MICAL1: variants seen among roughly 807,000 people sequenced by gnomAD.
The protein encoded by MICAL1 is microtubule associated monooxygenase, calponin and LIM domain containing 1.
In MICAL1, 95 loss-of-function variants were observed where a neutral mutation model predicts 131.8. The observed-to-expected ratio is 0.72, with a 90% CI of 0.61 to 0.86. The LOEUF is 0.86. MICAL1 is among the 40% of genes least tolerant of loss of function. The pLI is 0.00. For synonymous variants in MICAL1, 546 were observed against 554.2 expected (o/e 0.99, Z 0.21); for missense variants, 1,292 against 1,380.6 (o/e 0.94, Z 1.02).
intron 1 of MICAL1, 142 bp from the exon 2 acceptor site, chr6:109,454,381 T>C: frequency 1.2e-6 from 1 of 857,850 alleles, no homozygotes; most frequent in Non-Finnish European, 1.7e-6. Flanking sequence ...CCCATTCCCC[T>C]GCCAGCATCT....
At chr6:109,448,561 C>T (rs1460074414) in intron 12 of MICAL1, 168 bp from the exon 13 acceptor site, 4 of 1,273,950 alleles carry the variant, frequency 3.1e-6, no homozygotes, top group Middle Eastern at 3.9e-4. Context: ...TGACACTACT[C>T]CTGGCTTTGG....
In MICAL1 at chr6:109,452,627, G is replaced by A; in HGVS notation, c.572-12C>T. ...ACGCCAGCCACTCCCTAGGGCAGGG[G>A]GTATGAGAGGCACAAAGGTGTAGAA... On this transcript the variant is annotated splice_polypyrimidine_tract_variant and intron_variant, in intron 4 of 24. Coordinates refer to ENST00000358807, the MANE Select transcript of MICAL1 (RefSeq NM_022765.4). The A allele has an allele frequency of 1.2e-6, 2 of 1,606,270 alleles. No homozygotes were observed. Among genetic ancestry groups the A allele is most frequent in the Non-Finnish European group, 1.7e-6 (2 of 1,175,280 alleles).
chr6:109,456,081 G>C, upstream of MICAL1: 3 of 953,256 alleles, frequency 3.1e-6, no homozygotes, highest in Non-Finnish European at 3.7e-6. Context: ...CCTGTTGGGG[G>C]CTGAGGAGCT....
rs1775192914 is a variant in MICAL1, at chr6:109,445,863, C to T, written c.2582-1G>A. The T allele has an allele frequency of 4.4e-6, 7 of 1,599,098 alleles. No homozygotes were observed. The South Asian group carries it at 4.5e-5, about 10-fold the overall frequency. On this transcript the variant is annotated splice_acceptor_variant, in intron 19 of 24. Coordinates refer to ENST00000358807, the MANE Select transcript of MICAL1 (RefSeq NM_022765.4). LOFTEE classifies it high-confidence loss of function. The stretch of plus-strand genomic sequence containing the variant: ...TCCTCCTTCTCCATGGCCACAAGAG[C>T]TGAGAAGAAGAACTGAGACGTTCTA...
At chr6:109,459,648 C>G (rs1372835620), upstream of MICAL1, among the ~76,000 whole-genome samples, 2 of 152,146 alleles carry the variant, frequency 1.3e-5, no homozygotes, top group African/African-American at 4.8e-5. Flanking sequence ...TTCATAGATT[C>G]TGAGATAACA....
chr6:109,448,104 ACACACACACACACCGCCTTCTCCCTCTGT>A (rs1403559055), intron 13 of MICAL1, 70 bp downstream of exon 13: 28 of 1,359,234 alleles, frequency 2.1e-5, no homozygotes, highest in South Asian at 9.4e-5. Context: ...TCTGACACAC[ACACACACACACACCGCCTTCTCCCTCTGT>A]CACACACACA....
At chr6:109,446,861 CAAG>C in intron 17 of MICAL1, 89 bp from the exon 18 acceptor site, 1 of 1,376,230 alleles carries the variant, frequency 7.3e-7, no homozygotes, top group Non-Finnish European at 1.0e-6. Flanking sequence ...GTGGGGAAAA[CAAG>C]ACAGATTTGC....
At chr6:109,451,885 G>C in intron 6 of MICAL1, 185 bp from the exon 7 acceptor site, 1 of 1,403,132 alleles carries the variant, frequency 7.1e-7, no homozygotes, top group Non-Finnish European at 9.2e-7. Context: ...CAGGAGGCCT[G>C]AGGACTTAGA....
chr6:109,465,784 CG>C, exon 1 of MICAL1: 1 of 1,613,922 alleles, frequency 6.2e-7, no homozygotes. Flanking sequence ...TGATTTCAAG[CG>C]TTCAAAATCC....
rs34699467 is a variant in MICAL1, at chr6:109,452,603, C to G, written c.584G>C (p.Arg195Pro). 2.5e-6 allele frequency: 4 copies of G among 1,612,054 alleles called. No homozygotes were observed. The Admixed American group carries it at 5.0e-5, about 20-fold the overall frequency. ...AGGGGGGTTGGGTTGGAGCTGGGCA[C>G]GCCAGCCACTCCCTAGGGCAGGGGG... Reference protein sequence around the residue: ...QPPPRKGSGWRAQLQPNPPAQ... With the variant: ...QPPPRKGSGWPAQLQPNPPAQ... Residue 195 changes from arginine to proline, a missense_variant, in exon 5 of 25, where the codon CGT becomes CCT. By Grantham distance (103) the Arg-to-Pro change is moderately radical. Transcript: ENST00000358807.
At chr6:109,447,815 ACTGGGTACCCCC>A in intron 14 of MICAL1, 48 bp downstream of exon 14, 12 of 1,608,602 alleles carry the variant, frequency 7.5e-6, no homozygotes, top group Non-Finnish European at 9.4e-6. Flanking sequence ...CAGGATCTCC[ACTGGGTACCCCC>A]CTGCCCACTC....
chr6:109,446,451 G>T, intron 18 of MICAL1, 39 bp from the exon 19 acceptor site: 2 of 613,992 alleles, frequency 3.3e-6, no homozygotes, highest in Non-Finnish European at 4.4e-6. Context: ...CGGGGGGTGA[G>T]GCCACCCCTT....
intron 19 of MICAL1, 85 bp downstream of exon 19, chr6:109,446,051 C>T: frequency 6.7e-7 from 1 of 1,491,766 alleles, no homozygotes; most frequent in Non-Finnish European, 8.9e-7. Flanking sequence ...CAACTTCCCT[C>T]TGTATTCCCC....
At chr6:109,463,278 C>A (rs1218504698) in intron 1 of MICAL1, 1 of 152,250 alleles carries the variant, frequency 6.6e-6, no homozygotes, top group East Asian at 1.9e-4. Context: ...AGCCTCCACG[C>A]CCGGCGTCAT....
intron 24 of MICAL1, 38 bp from the exon 25 acceptor site, chr6:109,444,377 G>A (rs749936883): frequency 8.7e-6 from 14 of 1,612,626 alleles, no homozygotes; most frequent in Non-Finnish European, 1.2e-5. Context: ...ACAGGGAACT[G>A]GGCAGGGAAG....
intron 1 of MICAL1, chr6:109,464,303 C>A (rs1775980466): frequency 6.6e-6 from 1 of 152,116 alleles, no homozygotes; most frequent in Admixed American, 6.5e-5. Context: ...TTTATCTTCT[C>A]TCAAACCTGA....
At chr6:109,452,202 C>T (rs770332917) in intron 6 of MICAL1, 44 bp downstream of exon 6, 1 of 1,579,432 alleles carries the variant, frequency 6.3e-7, no homozygotes, top group South Asian at 1.1e-5. Context: ...AGCCAGGCCA[C>T]AGTCAGGCAG....
At chr6:109,457,288 C>T (rs973296610), upstream of MICAL1, among the ~76,000 whole-genome samples, 3 of 152,054 alleles carry the variant, frequency 2.0e-5, no homozygotes, top group African/African-American at 4.8e-5. Flanking sequence ...GAGTGTGACA[C>T]GTCATTTGGC....
chr6:109,452,784 GAGGA>G (rs1339706655), intron 4 of MICAL1, among the ~76,000 whole-genome samples, 169 bp from the exon 5 acceptor site: 1 of 152,210 alleles, frequency 6.6e-6, no homozygotes. Flanking sequence ...GAAGGCAGGT[GAGGA>G]AGGAAGTGTT....
Sources: gnomAD v4.1 joint callset for allele counts (sites outside exome capture counted in the v4.1 genomes callset) on GRCh38, gnomAD v4.1.1 for gene constraint, MANE v1.5 for transcripts, NCBI Gene and HGNC (gene_info 2026-07-23, HGNC 2026-07-21) for gene names.